Variants in GNA14 observed in about 807,000 individuals in gnomAD.
GNA14 encodes G protein subunit alpha 14, also known as guanine nucleotide-binding protein subunit alpha-14.
GNA14 carries 50 observed loss-of-function variants against 42.0 expected under a neutral mutation model. The observed-to-expected ratio is 1.19, with a 90% CI of 0.95 to 1.51. GNA14 has a LOEUF of 1.51. Ranked by LOEUF, GNA14 falls within the 40% of genes most tolerant of loss-of-function variation. The pLI is 0.00. For synonymous variants in GNA14, 173 were observed against 163.1 expected (o/e 1.06, Z -0.46); for missense variants, 473 against 446.2 (o/e 1.06, Z -0.54).
chr9:77,615,590 C>T (rs1001520743), intron 1 of GNA14, among the ~76,000 whole-genome samples: 2 of 152,032 alleles, frequency 1.3e-5, no homozygotes, highest in African/African-American at 4.8e-5. Flanking sequence ...CAAACTCACA[C>T]TCCTCCCCAC....
chr9:77,570,400 C>T (rs993536088), intron 1 of GNA14, among the ~76,000 whole-genome samples: 2 of 152,112 alleles, frequency 1.3e-5, no homozygotes, highest in Non-Finnish European at 2.9e-5. Flanking sequence ...GACTCCTTGC[C>T]CCCACCACTG....
chr9:77,629,909 A>G (rs1824070225), intron 1 of GNA14, among the ~76,000 whole-genome samples: 1 of 152,206 alleles, frequency 6.6e-6, no homozygotes, highest in Admixed American at 6.5e-5. Context: ...AAACTTTAAA[A>G]TAAGTAAACA....
intron 2 of GNA14, among the ~76,000 whole-genome samples, chr9:77,493,664 C>T (rs1204957720): frequency 6.6e-6 from 1 of 152,066 alleles, no homozygotes; most frequent in Non-Finnish European, 1.5e-5. Context: ...ATTTCTTATT[C>T]TGGTTACTAT....
chr9:77,511,337 A>T (rs982343969), intron 2 of GNA14, among the ~76,000 whole-genome samples: 1 of 152,138 alleles, frequency 6.6e-6, no homozygotes, highest in Non-Finnish European at 1.5e-5. Flanking sequence ...GTGTCAGTCA[A>T]AGGGTTCCTA....
At chr9:77,427,828 C>T (rs999410917) in intron 5 of GNA14, among the ~76,000 whole-genome samples, 1 of 152,224 alleles carries the variant, frequency 6.6e-6, no homozygotes, top group Non-Finnish European at 1.5e-5. Flanking sequence ...CAATCCCAGA[C>T]AGCCCCAGAA....
intron 2 of GNA14, among the ~76,000 whole-genome samples, chr9:77,523,717 G>A (rs1360561616): frequency 6.6e-6 from 1 of 152,168 alleles, no homozygotes; most frequent in Non-Finnish European, 1.5e-5. Flanking sequence ...AGAGCAGAGG[G>A]GCAGCGAAGG....
chr9:77,623,807 C>T (rs973878797), intron 1 of GNA14, among the ~76,000 whole-genome samples: 2 of 152,210 alleles, frequency 1.3e-5, no homozygotes, highest in African/African-American at 4.8e-5. Context: ...CCTACACCAC[C>T]AGCGCCATGG....
rs1564067888 is a variant in GNA14 at position 77,618,624 on chromosome 9, T to TA, written c.124+29045_124+29046insT. Among the ~76,000 whole-genome samples, 194 of 28,014 alleles carry TA rather than the reference T, an allele frequency of 6.9e-3. 5 individuals are homozygous for TA. Among genetic ancestry groups the TA allele is most frequent in the Middle Eastern group, 0.014 (1 of 70 alleles). The allele number at this position is 28,014 out of a possible 152,430, so 18.4% of individuals were successfully genotyped here. A position where few individuals can be genotyped will look rare whatever the true frequency, so the allele number is the denominator to read the frequency against. On this transcript the variant is annotated intron_variant, in intron 1 of 6. Coordinates refer to ENST00000341700, the MANE Select transcript of GNA14 (RefSeq NM_004297.4). ...TATATATATATATATATATATATTT[T>TA]TTTTTTTTTTTTTTTTTTTTTTTTT...
chr9:77,626,954 T>C (rs2117992441), intron 1 of GNA14, among the ~76,000 whole-genome samples: 1 of 152,212 alleles, frequency 6.6e-6, no homozygotes, highest in Non-Finnish European at 1.5e-5. Flanking sequence ...GAGCTGGTTT[T>C]CTGAAAAGAT....
At chr9:77,445,163 C>T (rs1037234085) in intron 2 of GNA14, among the ~76,000 whole-genome samples, 1 of 152,198 alleles carries the variant, frequency 6.6e-6, no homozygotes. Flanking sequence ...TTCGCTGCCA[C>T]GAACATGGCT....
chr9:77,634,971 TATA>T (rs1434693139), intron 1 of GNA14, among the ~76,000 whole-genome samples: 1 of 151,458 alleles, frequency 6.6e-6, no homozygotes, highest in Non-Finnish European at 1.5e-5. Flanking sequence ...CATTGGAGCA[TATA>T]ATATCATACA....
At chr9:77,575,778 C>T (rs567621065) in intron 1 of GNA14, among the ~76,000 whole-genome samples, 1 of 152,320 alleles carries the variant, frequency 6.6e-6, no homozygotes, top group South Asian at 2.1e-4. Context: ...GTGCCTAAGA[C>T]CCACCTCAGA....
chr9:77,428,554 G>A (rs1835492099), intron 5 of GNA14, among the ~76,000 whole-genome samples: 1 of 152,104 alleles, frequency 6.6e-6, no homozygotes, highest in Non-Finnish European at 1.5e-5. Context: ...AATCTCTGGG[G>A]TTGGACTCAG....
intron 2 of GNA14, among the ~76,000 whole-genome samples, chr9:77,508,063 T>C (rs79484666): frequency 0.011 from 1,606 of 152,262 alleles, 39 homozygotes; most frequent in African/African-American, 0.036. Flanking sequence ...AAGTTTTCAA[T>C]GTTGAAGAAA....
chr9:77,522,108 A>G (rs1364176778), intron 2 of GNA14, among the ~76,000 whole-genome samples: 1 of 152,208 alleles, frequency 6.6e-6, no homozygotes, highest in Non-Finnish European at 1.5e-5. Flanking sequence ...AAGTGCTGGG[A>G]TTACAGGCAT....
At chr9:77,524,325 G>A (rs1837402476) in intron 2 of GNA14, among the ~76,000 whole-genome samples, 1 of 152,166 alleles carries the variant, frequency 6.6e-6, no homozygotes. Context: ...AATAGGCAAA[G>A]ACTTTCAACA....
At chr9:77,455,228 G>A (rs980392176) in intron 2 of GNA14, among the ~76,000 whole-genome samples, 1 of 152,198 alleles carries the variant, frequency 6.6e-6, no homozygotes, top group Non-Finnish European at 1.5e-5. Context: ...AGCTCCTAGA[G>A]GCTGCCCTCA....
intron 2 of GNA14, among the ~76,000 whole-genome samples, chr9:77,467,511 C>T (rs1426549095): frequency 6.6e-6 from 1 of 150,592 alleles, no homozygotes; most frequent in East Asian, 1.9e-4. Context: ...TTGCATGTGG[C>T]TACTAGATTC....
At chr9:77,579,725 G>T (rs553784825) in intron 1 of GNA14, among the ~76,000 whole-genome samples, 141 of 152,194 alleles carry the variant, frequency 9.3e-4, no homozygotes, top group Non-Finnish European at 1.6e-3. Context: ...GTTTCCCTTA[G>T]GTCTGCTGAC....
Sources: allele counts gnomAD v4.1 joint callset (sites outside exome capture counted in the v4.1 genomes callset), GRCh38; gene constraint gnomAD v4.1.1; transcripts MANE v1.5; gene names NCBI Gene and HGNC (gene_info 2026-07-23, HGNC 2026-07-21).